HECW2: variants seen among roughly 807,000 people sequenced by gnomAD.
HECW2 encodes E3 ubiquitin-protein ligase HECW2.
HECW2 carries 61 observed loss-of-function variants against 175.2 expected under a neutral mutation model. The ratio of observed to expected loss-of-function variants is 0.35; its 90% CI spans 0.28 to 0.43. The LOEUF (loss-of-function observed/expected upper bound fraction) is 0.43, where lower values mean the gene tolerates loss of function less well. HECW2 is among the 20% of genes least tolerant of loss of function. The pLI, the probability that HECW2 is intolerant of heterozygous loss-of-function variation, is 1.00. For synonymous variants in HECW2, 671 were observed against 731.0 expected, an observed-to-expected ratio of 0.92 and a Z score of 1.32; for missense variants, 1,524 against 2,000.5, an observed-to-expected ratio of 0.76 and a Z score of 4.54.
At chr2:196,386,091 A>G (rs1009464572) in intron 2 of HECW2, among the ~76,000 whole-genome samples, 7 of 152,224 alleles carry the variant, frequency 4.6e-5, no homozygotes, top group Admixed American at 1.3e-4. Flanking sequence ...AATTAACTCA[A>G]TAACTGTTTA....
chr2:196,456,600 A>G (rs1156376655), intron 1 of HECW2, among the ~76,000 whole-genome samples: 2 of 152,198 alleles, frequency 1.3e-5, no homozygotes, highest in East Asian at 3.9e-4. Flanking sequence ...GACCACTGCA[A>G]TCAGCAAATA....
rs753789069 is a variant in HECW2, at chr2:196,318,532, C to G, written c.2338+20G>C. The G allele has an allele frequency of 3.2e-5, 47 of 1,470,612 alleles. No individual in the cohort carries two copies. In the Admixed American group the frequency reaches 1.2e-3, roughly 37 times the overall value. 91.1% of individuals were successfully genotyped at this position (1,470,612 alleles called of 1,614,324 possible). On this transcript the variant is annotated intron_variant, in intron 9 of 28. Transcript: ENST00000644978. ...ACAGCTACGCTCGAGCCAAGAGCCA[C>G]AGTGGTGTCCATATCCTACCTCCAG...
chr2:196,520,913 TA>T (rs1302788421), intron 1 of HECW2, among the ~76,000 whole-genome samples: 1 of 151,666 alleles, frequency 6.6e-6, no homozygotes, highest in Non-Finnish European at 1.5e-5. Flanking sequence ...TCAGAAAAAA[TA>T]AATAAAGAGA....
At chr2:196,369,089 A>G (rs939753492) in intron 2 of HECW2, among the ~76,000 whole-genome samples, 2 of 152,108 alleles carry the variant, frequency 1.3e-5, no homozygotes, top group African/African-American at 4.8e-5. Context: ...CAGTCTTTAC[A>G]GTCTGGGCTT....
chr2:196,335,235 C>T (rs1481569140), intron 3 of HECW2, among the ~76,000 whole-genome samples: 1 of 152,122 alleles, frequency 6.6e-6, no homozygotes, highest in Admixed American at 6.5e-5. Context: ...CTGATAATTC[C>T]ACTTTGATAG....
intron 1 of HECW2, among the ~76,000 whole-genome samples, chr2:196,448,944 A>G (rs1314449676): frequency 6.6e-6 from 1 of 152,208 alleles, no homozygotes; most frequent in Non-Finnish European, 1.5e-5. Context: ...AATAATAAGT[A>G]TTTGGATGTC....
chr2:196,517,813 C>T (rs566679174), intron 1 of HECW2, among the ~76,000 whole-genome samples: 104 of 152,174 alleles, frequency 6.8e-4, no homozygotes, highest in African/African-American at 2.3e-3. Flanking sequence ...TTTGAACCAC[C>T]CCAACTCAAC....
chr2:196,560,043 A>G (rs1422807129), intron 1 of HECW2, among the ~76,000 whole-genome samples: 1 of 152,178 alleles, frequency 6.6e-6, no homozygotes, highest in East Asian at 1.9e-4. Flanking sequence ...TTGTATATGA[A>G]TCACCTGGAG....
intron 1 of HECW2, among the ~76,000 whole-genome samples, chr2:196,533,438 A>G (rs1022236091): frequency 6.6e-6 from 1 of 152,100 alleles, no homozygotes; most frequent in African/African-American, 2.4e-5. Flanking sequence ...ATTTTGAATC[A>G]CAACAGCCAA....
intron 2 of HECW2, among the ~76,000 whole-genome samples, chr2:196,348,251 T>TA (rs1368118470): frequency 2.0e-5 from 3 of 152,080 alleles, no homozygotes; most frequent in Non-Finnish European, 2.9e-5. Flanking sequence ...GGCCAACATA[T>TA]TTTTTTTCCT....
intron 1 of HECW2, among the ~76,000 whole-genome samples, chr2:196,525,678 G>A (rs1164230429): frequency 2.7e-5 from 4 of 150,860 alleles, no homozygotes; most frequent in Non-Finnish European, 4.4e-5. Flanking sequence ...GCCTGGTGGT[G>A]ACAAAATCTC....
intron 26 of HECW2, among the ~76,000 whole-genome samples, chr2:196,219,156 T>C (rs1687579181): frequency 6.6e-6 from 1 of 152,252 alleles, no homozygotes; most frequent in Non-Finnish European, 1.5e-5. Context: ...GATGTTAGGT[T>C]TGTAGTTTTC....
chr2:196,376,348 C>T (rs1413584148), intron 2 of HECW2, among the ~76,000 whole-genome samples: 7 of 152,048 alleles, frequency 4.6e-5, no homozygotes, highest in Admixed American at 4.6e-4. Context: ...AATAGATTTT[C>T]GGCTGGGCAC....
intron 28 of HECW2, among the ~76,000 whole-genome samples, chr2:196,210,915 C>A (rs1401373659): frequency 6.6e-6 from 1 of 151,998 alleles, no homozygotes; most frequent in Non-Finnish European, 1.5e-5. Flanking sequence ...TGAGCCACTG[C>A]ACTCTGCCAA....
At chr2:196,278,730 G>T in intron 14 of HECW2, 68 bp from the exon 15 acceptor site, 1 of 1,562,632 alleles carries the variant, frequency 6.4e-7, no homozygotes, top group Non-Finnish European at 8.8e-7. Flanking sequence ...AACATCAGAC[G>T]GTCAGGAAAA....
chr2:196,206,564 C>G (rs1429370436), intron 28 of HECW2, among the ~76,000 whole-genome samples: 2 of 152,110 alleles, frequency 1.3e-5, no homozygotes, highest in African/African-American at 2.4e-5. Context: ...TCATTTATTC[C>G]TTCACTCGCT....
chr2:196,199,598 T>G lies in HECW2; in HGVS notation c.*1679A>C, dbSNP rs900926655. 1.3e-5 allele frequency: 2 copies of G among 152,578 alleles called. No individual in the cohort carries two copies. The highest frequency in any genetic ancestry group is 6.5e-5 in the Admixed American group (1 of 15,270). The allele number at this position is 152,578 out of a possible 1,614,324, so 9.5% of individuals were successfully genotyped here. On this transcript the variant is annotated 3_prime_UTR_variant, in exon 29 of 29. Transcript: ENST00000644978. ...CCCATAATAGGAATTCCATGGCTGCTTATAAATATAGATCTCAAAGAAATG... is the reference window on the plus strand; with the variant it reads ...CCCATAATAGGAATTCCATGGCTGCGTATAAATATAGATCTCAAAGAAATG...
chr2:196,381,143 T>G (rs1027282181), intron 2 of HECW2, among the ~76,000 whole-genome samples: 1 of 152,184 alleles, frequency 6.6e-6, no homozygotes, highest in Admixed American at 6.5e-5. Context: ...TAAGCACAGT[T>G]GCTTAAAGCA....
intron 1 of HECW2, among the ~76,000 whole-genome samples, chr2:196,588,699 A>G (rs1212749130): frequency 6.6e-6 from 1 of 152,220 alleles, no homozygotes; most frequent in African/African-American, 2.4e-5. Flanking sequence ...GACTAGAAGA[A>G]GCTAAGGACA....
Sources: gnomAD v4.1 joint callset for allele counts (sites outside exome capture counted in the v4.1 genomes callset) on GRCh38, gnomAD v4.1.1 for gene constraint, MANE v1.5 for transcripts, NCBI Gene and HGNC (gene_info 2026-07-23, HGNC 2026-07-21) for gene names.